PACSIN1: variants seen among roughly 807,000 people sequenced by gnomAD.
PACSIN1 encodes the protein protein kinase C and casein kinase substrate in neurons 1.
PACSIN1 carries 15 observed loss-of-function variants against 59.5 expected under a neutral mutation model. The observed-to-expected ratio is 0.25, with a 90% CI of 0.17 to 0.39. The LOEUF is 0.39. PACSIN1 is among the 10% of genes least tolerant of loss of function. PACSIN1 has a pLI of 1.00. For synonymous variants in PACSIN1, 210 were observed against 220.6 expected, an observed-to-expected ratio of 0.95 and a Z score of 0.42; for missense variants, 420 against 580.2, an observed-to-expected ratio of 0.72 and a Z score of 2.84.
rs1363112751 is a variant in PACSIN1 at position 34,525,197 on chromosome 6, T to G, written c.-63-1046T>G. On this transcript the variant is annotated intron_variant, in intron 1 of 9. Coordinates refer to ENST00000244458, the MANE Select transcript of PACSIN1 (RefSeq NM_020804.5). The surrounding 1 kb of genome is among the most constrained non-coding windows in gnomAD (Gnocchi z 4.9). ...CACTGTGCGTGAGTTTATGGGAAAGTCTGTCTGTGGTTCTTCTAAAAGGGA... is the reference window on the plus strand; with the variant it reads ...CACTGTGCGTGAGTTTATGGGAAAGGCTGTCTGTGGTTCTTCTAAAAGGGA... Among the ~76,000 whole-genome samples the G allele has an allele frequency of 2.6e-5, 4 of 152,220 alleles. No homozygotes were observed. Among genetic ancestry groups the G allele is most frequent in the Non-Finnish European group, 5.9e-5 (4 of 68,038 alleles).
intron 1 of PACSIN1, among the ~76,000 whole-genome samples, chr6:34,498,440 C>T (rs1384790862): frequency 6.6e-6 from 1 of 152,012 alleles, no homozygotes; most frequent in African/African-American, 2.4e-5. Context: ...GAATATTAAT[C>T]CCTCATCAGA....
At chr6:34,491,169 G>A (rs1288454129) in intron 1 of PACSIN1, among the ~76,000 whole-genome samples, 4 of 152,142 alleles carry the variant, frequency 2.6e-5, no homozygotes, top group Non-Finnish European at 4.4e-5. Flanking sequence ...AGCTGCAGGA[G>A]AGGAGGATCT....
rs1340884400 is a variant in PACSIN1 at position 34,525,976 on chromosome 6, G to A, written c.-63-267G>A. On this transcript the variant is annotated intron_variant, in intron 1 of 9. Transcript: ENST00000244458. This position sits in a 1 kb window ranked among gnomAD's most constrained non-coding sequence, Gnocchi z 4.9. Reference sequence around the variant, plus strand: ...AGAGAGAGCCAGCTCTGGGGGCTGGGGCTGGCTTCTGAACGGAGGTGCTCA... The same window carrying A: ...AGAGAGAGCCAGCTCTGGGGGCTGGAGCTGGCTTCTGAACGGAGGTGCTCA... 6.6e-6 allele frequency among the ~76,000 whole-genome samples: 1 copy of A among 152,066 alleles called. No homozygotes were observed. The highest frequency in any genetic ancestry group is 1.5e-5 in the Non-Finnish European group (1 of 67,980).
At chr6:34,492,192 G>C (rs80099703) in intron 1 of PACSIN1, among the ~76,000 whole-genome samples, 2,347 of 115,404 alleles carry the variant, frequency 0.02, 42 homozygotes, top group African/African-American at 0.054. Context: ...GTTCTTTTTT[G>C]ACCTTTTTTT....
intron 1 of PACSIN1, among the ~76,000 whole-genome samples, chr6:34,478,369 CTTTTT>C (rs35124068): frequency 5.6e-4 from 38 of 67,866 alleles, no homozygotes; most frequent in African/African-American, 2.3e-3. Flanking sequence ...TATTTATCTT[CTTTTT>C]TTTTTTTTTT....
chr6:34,511,678 G>A (rs1767205600), intron 1 of PACSIN1, among the ~76,000 whole-genome samples: 1 of 152,038 alleles, frequency 6.6e-6, no homozygotes, highest in African/African-American at 2.4e-5. Flanking sequence ...TCTTTCTCTA[G>A]AGCTGGCCAG....
chr6:34,490,851 G>T (rs950514077), intron 1 of PACSIN1, among the ~76,000 whole-genome samples: 3 of 152,106 alleles, frequency 2.0e-5, no homozygotes, highest in Non-Finnish European at 4.4e-5. Context: ...CTTCTACTGT[G>T]GGCTTTCGTT....
chr6:34,531,591 G>A lies in PACSIN1; in HGVS notation c.1038-9G>A. 2 of 1,613,148 alleles carry A rather than the reference G, an allele frequency of 1.2e-6. No individual in the cohort carries two copies. The highest frequency in any genetic ancestry group is 1.1e-5 in the South Asian group (1 of 90,980). ...GACATTGAAGCTGGCTCCTTCCTCC[G>A]CGTCTCAGTGTTAGCAGCTACGACA... On this transcript the variant is annotated splice_polypyrimidine_tract_variant and intron_variant, in intron 8 of 9. Coordinates refer to ENST00000244458, the MANE Select transcript of PACSIN1 (RefSeq NM_020804.5). This position sits in a 1 kb window ranked among gnomAD's most constrained non-coding sequence, Gnocchi z 4.4.
At chr6:34,479,079 C>T (rs1395068577) in intron 1 of PACSIN1, among the ~76,000 whole-genome samples, 1 of 152,174 alleles carries the variant, frequency 6.6e-6, no homozygotes, top group Non-Finnish European at 1.5e-5. Flanking sequence ...GTGGCATTAA[C>T]CTAGTCATGA....
At position 34,518,172 on chromosome 6, in the gene PACSIN1, A is replaced by C. The variant is rs915368485; in HGVS notation, c.-63-8071A>C. Among the ~76,000 whole-genome samples, 2 of 152,032 alleles carry C rather than the reference A, an allele frequency of 1.3e-5. No individual in the cohort carries two copies. Among genetic ancestry groups the C allele is most frequent in the Non-Finnish European group, 2.9e-5 (2 of 67,988 alleles). On this transcript the variant is annotated intron_variant, in intron 1 of 9. Transcript: ENST00000244458. This position sits in a 1 kb window ranked among gnomAD's most constrained non-coding sequence, Gnocchi z 4.4. ...GAAGAGGGCAAGCTGCATGCATCCC[A>C]CCCCAAGCCACTGAAGCGGGAGGGC... is the stretch of plus-strand genomic sequence containing the variant.
intron 1 of PACSIN1, among the ~76,000 whole-genome samples, chr6:34,491,760 C>A (rs1047188858): frequency 1.3e-5 from 2 of 151,874 alleles, no homozygotes; most frequent in Admixed American, 6.6e-5. Flanking sequence ...TACAGGCACC[C>A]GCCAACATGC....
intron 3 of PACSIN1, 62 bp from the exon 4 acceptor site, chr6:34,528,580 T>C: frequency 8.5e-7 from 1 of 1,178,796 alleles, no homozygotes; most frequent in Non-Finnish European, 1.3e-6. Flanking sequence ...AGAAGGGAGA[T>C]GTGAGGGGGG....
Position 34,479,301 on chromosome 6 carries a change from C to T in PACSIN1, c.-64+13031C>T, listed in dbSNP as rs59201379. Among the ~76,000 whole-genome samples the T allele has an allele frequency of 8.5e-4, 129 of 152,272 alleles. 3 individuals are homozygous for T. In the East Asian group the frequency reaches 0.014, roughly 16 times the overall value. On this transcript the variant is annotated intron_variant, in intron 1 of 9. Coordinates refer to ENST00000244458, the MANE Select transcript of PACSIN1 (RefSeq NM_020804.5). ...CACCAAAGGACCCCCTCAGACCTTT[C>T]CCCATCACAAGCCCCTCCCTCCCCC...
At chr6:34,476,568 G>A (rs1437606469) in intron 1 of PACSIN1, among the ~76,000 whole-genome samples, 1 of 152,114 alleles carries the variant, frequency 6.6e-6, no homozygotes, top group African/African-American at 2.4e-5. Flanking sequence ...TGCCCCAGAT[G>A]GGGCACCTCT....
chr6:34,524,427 C>G (rs1404402603), intron 1 of PACSIN1, among the ~76,000 whole-genome samples: 1 of 152,184 alleles, frequency 6.6e-6, no homozygotes, highest in Non-Finnish European at 1.5e-5. Context: ...CCCTGCGTCC[C>G]CTGGCCACCC....
At chr6:34,479,296 C>A (rs1170368960) in intron 1 of PACSIN1, among the ~76,000 whole-genome samples, 1 of 152,122 alleles carries the variant, frequency 6.6e-6, no homozygotes, top group Admixed American at 6.5e-5. Flanking sequence ...CCCCCTCAGA[C>A]CTTTCCCCAT....
chr6:34,484,157 G>A, intron 1 of PACSIN1, among the ~76,000 whole-genome samples: 1 of 152,204 alleles, frequency 6.6e-6, no homozygotes, highest in Admixed American at 6.5e-5. Context: ...TGTGTCCTGT[G>A]AATGTCAAGA....
chr6:34,533,550 A>T lies in PACSIN1; in HGVS notation c.*1020A>T, dbSNP rs142464756. On this transcript the variant is annotated 3_prime_UTR_variant, in exon 10 of 10. Coordinates refer to ENST00000244458, the MANE Select transcript of PACSIN1 (RefSeq NM_020804.5). ...ACTGGGTTCCACATCAGCCTCCATGAGGCCAAGCCTTGTACCTGCAAGGCT... is the reference window on the plus strand; with the variant it reads ...ACTGGGTTCCACATCAGCCTCCATGTGGCCAAGCCTTGTACCTGCAAGGCT... The T allele has an allele frequency of 6.6e-6, 1 of 152,458 alleles. No individual in the cohort carries two copies. The highest frequency in any genetic ancestry group is 1.5e-5 in the Non-Finnish European group (1 of 68,152). The allele number at this position is 152,458 out of a possible 1,614,324, so 9.4% of individuals were successfully genotyped here.
intron 1 of PACSIN1, among the ~76,000 whole-genome samples, chr6:34,466,968 GCAAAC>G (rs1240480901): frequency 1.3e-5 from 2 of 152,116 alleles, no homozygotes; most frequent in Non-Finnish European, 1.5e-5. Flanking sequence ...AGACATGGTG[GCAAAC>G]CCGGGAGCTT....
Sources: allele counts gnomAD v4.1 joint callset (sites outside exome capture counted in the v4.1 genomes callset), GRCh38; gene constraint gnomAD v4.1.1; non-coding constraint Gnocchi (gnomAD v3.1); transcripts MANE v1.5; gene names NCBI Gene and HGNC (gene_info 2026-07-23, HGNC 2026-07-21).